SARDH: variants seen among roughly 807,000 people sequenced by gnomAD.
The protein encoded by SARDH is sarcosine dehydrogenase, mitochondrial.
SARDH carries 95 observed loss-of-function variants against 109.1 expected under a neutral mutation model. The ratio of observed to expected loss-of-function variants is 0.87; its 90% CI spans 0.74 to 1.03. The LOEUF is 1.03. Ranked by LOEUF, SARDH falls within the 50% of genes least tolerant of loss-of-function variation. SARDH has a pLI of 0.00. For synonymous variants in SARDH, 572 were observed against 534.8 expected, an observed-to-expected ratio of 1.07 and a Z score of -0.96; for missense variants, 1,267 against 1,287.8, an observed-to-expected ratio of 0.98 and a Z score of 0.25.
chr9:133,686,197 T>C lies in SARDH; in HGVS notation c.2070-911A>G, dbSNP rs1352761734. Among the ~76,000 whole-genome samples the C allele has an allele frequency of 6.6e-6, 1 of 151,972 alleles. No homozygotes were observed. The highest frequency in any genetic ancestry group is 6.6e-5 in the Admixed American group (1 of 15,256). The stretch of plus-strand genomic sequence containing the variant: ...CGAGGGTGGGGATTCGCTCCCCACT[T>C]TCCCTGCTCCGTGGTACCCAGCACC... On this transcript the variant is annotated intron_variant, in intron 16 of 20. Coordinates refer to ENST00000439388, the MANE Select transcript of SARDH (RefSeq NM_001134707.2). The surrounding 1 kb of genome is among the most constrained non-coding windows in gnomAD (Gnocchi z 4.0).
chr9:133,734,424 T>C (rs2318818), intron 1 of SARDH, among the ~76,000 whole-genome samples: 47,205 of 136,538 alleles, frequency 0.35, 9,693 homozygotes, highest in Middle Eastern at 0.48. Context: ...CATTCATTCA[T>C]TCACTCATTC....
At chr9:133,719,270 A>C (rs1832237911) in intron 6 of SARDH, among the ~76,000 whole-genome samples, 1 of 152,172 alleles carries the variant, frequency 6.6e-6, no homozygotes, top group Non-Finnish European at 1.5e-5. Flanking sequence ...AATAACAGCA[A>C]AAGGGGAAGA....
intron 11 of SARDH, 34 bp downstream of exon 11, chr9:133,708,253 T>C (rs1442534416): frequency 6.3e-7 from 1 of 1,597,830 alleles, no homozygotes; most frequent in East Asian, 2.2e-5. Flanking sequence ...AGACCCTCGC[T>C]GCCAGTCCCC....
Position 133,685,188 on chromosome 9 carries a change from C to A in SARDH, c.2163+5G>T, listed in dbSNP as rs1830841404. 1.2e-6 allele frequency: 2 copies of A among 1,613,478 alleles called. No individual in the cohort carries two copies. The highest frequency in any genetic ancestry group is 1.7e-6 in the Non-Finnish European group (2 of 1,179,696). On this transcript the variant is annotated splice_donor_5th_base_variant and intron_variant, in intron 17 of 20. Transcript: ENST00000439388. Reference sequence around the variant, plus strand: ...ACCCAGAGGACGTGGCCAGCTGGAACCTACCAGGTGCCCTGCGGCTCTCAG... The same window carrying A: ...ACCCAGAGGACGTGGCCAGCTGGAAACTACCAGGTGCCCTGCGGCTCTCAG...
intron 5 of SARDH, 27 bp from the exon 6 acceptor site, chr9:133,729,892 C>T (rs1169588598): frequency 1.2e-6 from 2 of 1,609,162 alleles, no homozygotes; most frequent in African/African-American, 1.3e-5. Flanking sequence ...GACAGCTCAG[C>T]TCTGCTGACA....
chr9:133,718,662 T>C lies in SARDH; in HGVS notation c.1020+276A>G. The C allele has an allele frequency of 1.3e-6, 1 of 779,546 alleles. No homozygotes were observed. Among genetic ancestry groups the C allele is most frequent in the Non-Finnish European group, 2.4e-6 (1 of 417,982 alleles). The allele number at this position is 779,546 out of a possible 1,614,324, so 48.3% of individuals were successfully genotyped here. On this transcript the variant is annotated intron_variant, in intron 7 of 20. Coordinates refer to ENST00000439388, the MANE Select transcript of SARDH (RefSeq NM_001134707.2). This position sits in a 1 kb window ranked among gnomAD's most constrained non-coding sequence, Gnocchi z 4.2. ...AGGACGTAGGACTTGTGTGCTCTCA[T>C]GCCCTTCTGAGGTCATCACTCCACA... is the stretch of plus-strand genomic sequence containing the variant.
intron 17 of SARDH, among the ~76,000 whole-genome samples, chr9:133,676,785 G>C (rs1344055477): frequency 1.3e-5 from 2 of 152,236 alleles, no homozygotes; most frequent in Non-Finnish European, 2.9e-5. Flanking sequence ...TGAGCAGTCA[G>C]ACTGCAGAAA....
chr9:133,679,222 AT>A (rs1830614314), intron 17 of SARDH, among the ~76,000 whole-genome samples: 1 of 152,218 alleles, frequency 6.6e-6, no homozygotes, highest in Non-Finnish European at 1.5e-5. Context: ...GAACCTGCCC[AT>A]GATATCGGGT....
rs535989648 is a variant in SARDH at position 133,670,892 on chromosome 9, G to A, written c.2327-140C>T. 3.4e-5 allele frequency: 43 copies of A among 1,258,750 alleles called. 1 individual carries two copies. The African/African-American group carries it at 5.9e-4, about 17-fold the overall frequency. 78.0% of individuals were successfully genotyped at this position (1,258,750 alleles called of 1,614,324 possible). On this transcript the variant is annotated intron_variant, in intron 18 of 20. Coordinates refer to ENST00000439388, the MANE Select transcript of SARDH (RefSeq NM_001134707.2). ...AGCTGCTTAGTCACCTGGGCAGGAG[G>A]CAGGGGCATCCCCAACTCCAGAAGG...
intron 13 of SARDH, among the ~76,000 whole-genome samples, chr9:133,697,114 G>A (rs955437812): frequency 6.6e-6 from 1 of 152,162 alleles, no homozygotes; most frequent in African/African-American, 2.4e-5. Context: ...ATGAAAGACA[G>A]GAGATCATGC....
At chr9:133,673,259 C>T (rs1174809032) in intron 17 of SARDH, among the ~76,000 whole-genome samples, 1 of 152,246 alleles carries the variant, frequency 6.6e-6, no homozygotes, top group African/African-American at 2.4e-5. Context: ...ACGTCCACAC[C>T]CAGTAACTGG....
intron 17 of SARDH, among the ~76,000 whole-genome samples, chr9:133,677,064 GA>G (rs1267192749): frequency 1.6e-4 from 24 of 152,128 alleles, no homozygotes; most frequent in Non-Finnish European, 2.9e-4. Flanking sequence ...GGTTGAACCT[GA>G]GAGGCGGAGG....
chr9:133,663,556 G>T, downstream of SARDH: 1 of 317,388 alleles, frequency 3.2e-6, no homozygotes, highest in Non-Finnish European at 5.8e-6. Context: ...TATTTGCTTC[G>T]CTGTTTTCAC....
chr9:133,701,693 C>G (rs1487453136), intron 13 of SARDH, among the ~76,000 whole-genome samples: 3 of 152,204 alleles, frequency 2.0e-5, no homozygotes, highest in Admixed American at 2.0e-4. Context: ...ACAAGGGACT[C>G]GGGCACTGAG....
intron 1 of SARDH, among the ~76,000 whole-genome samples, 173 bp from the exon 2 acceptor site, chr9:133,734,376 T>C (rs200597962): frequency 0.019 from 2,912 of 150,584 alleles, 102 homozygotes; most frequent in African/African-American, 0.069. Flanking sequence ...CATTCATTCA[T>C]TCACTCATTC....
At chr9:133,719,459 G>C (rs1318480427) in intron 6 of SARDH, among the ~76,000 whole-genome samples, 1 of 152,114 alleles carries the variant, frequency 6.6e-6, no homozygotes, top group East Asian at 1.9e-4. Context: ...CTGGAGGAGA[G>C]GGAGACTGAG....
Position 133,734,065 on chromosome 9 carries a change from C to T in SARDH, c.109G>A (p.Glu37Lys), listed in dbSNP as rs75301716. 10 of 1,613,288 alleles carry T rather than the reference C, an allele frequency of 6.2e-6. No individual in the cohort carries two copies. The highest frequency in any genetic ancestry group is 4.5e-5 in the East Asian group (2 of 44,888). Residue 37 changes from glutamate (E) to lysine (K), a missense_variant, in exon 2 of 21, where the codon GAG becomes AAG. By Grantham distance (56) the Glu-to-Lys change is moderately conservative. Coordinates refer to ENST00000439388, the MANE Select transcript of SARDH (RefSeq NM_001134707.2). ...NLSSAAGPTA[E>K]KSVPYQRTLK... ...GTCCGCTGATATGGCACACTCTTCT[C>T]GGCTGTGGGGCCAGCTGCGCTGGAC... is the stretch of plus-strand genomic sequence containing the variant.
chr9:133,690,195 T>C (rs1250096447), intron 16 of SARDH, among the ~76,000 whole-genome samples, 185 bp downstream of exon 16: 1 of 152,214 alleles, frequency 6.6e-6, no homozygotes, highest in African/African-American at 2.4e-5. Context: ...CTGACTCGTG[T>C]TACCGGCTTA....
rs1831979118 is a variant in SARDH, at chr9:133,712,888, C to G, written c.1237+150G>C. The G allele has an allele frequency of 1.0e-6, 1 of 961,632 alleles. No individual in the cohort carries two copies. Among genetic ancestry groups the G allele is most frequent in the Non-Finnish European group, 1.6e-6 (1 of 636,566 alleles). The allele number at this position is 961,632 out of a possible 1,614,324, so 59.6% of individuals were successfully genotyped here. ...GACTGGACCCTGGCACAGGTGCACT[C>G]TCTGGGAAGCAGAAGGGGCTGGACT... On this transcript the variant is annotated intron_variant, in intron 9 of 20. Transcript: ENST00000439388. This position sits in a 1 kb window ranked among gnomAD's most constrained non-coding sequence, Gnocchi z 4.1.
Sources: allele counts gnomAD v4.1 joint callset (sites outside exome capture counted in the v4.1 genomes callset), GRCh38; gene constraint gnomAD v4.1.1; non-coding constraint Gnocchi (gnomAD v3.1); transcripts MANE v1.5; gene names NCBI Gene and HGNC (gene_info 2026-07-23, HGNC 2026-07-21).